LPA: variants seen among roughly 807,000 people sequenced by gnomAD.
LPA encodes the protein apolipoprotein(a).
Under a neutral mutation model 197.9 loss-of-function variants are expected in LPA, and 199 were observed. The ratio of observed to expected loss-of-function variants is 1.01; its 90% CI spans 0.90 to 1.13. The LOEUF is 1.13. Among genes scored for constraint, LPA ranks in the 50% most tolerant of loss-of-function variants. The probability of loss-of-function intolerance (pLI) is 0.00; values close to 1 mark genes in which losing one functional copy is unlikely to be tolerated. For missense variants in LPA, 1,853 were observed against 1,785.8 expected (o/e 1.04, Z -0.68); for synonymous variants, 715 against 639.5 (o/e 1.12, Z -1.78).
chr6:160,647,566 T>C (rs1413479501), intron 2 of LPA, among the ~76,000 whole-genome samples: 1 of 152,192 alleles, frequency 6.6e-6, no homozygotes, highest in African/African-American at 2.4e-5. Context: ...TTTTCTTCCT[T>C]GGCTTCCCTC....
chr6:160,585,265 A>C, intron 25 of LPA, 60 bp from the exon 26 acceptor site: 1 of 1,522,804 alleles, frequency 6.6e-7, no homozygotes, highest in African/African-American at 1.4e-5. Context: ...TGTGAAAAAA[A>C]TTATGACACA....
At chr6:160,590,032 A>G (rs771911021) in intron 23 of LPA, among the ~76,000 whole-genome samples, 11 of 152,176 alleles carry the variant, frequency 7.2e-5, no homozygotes, top group Non-Finnish European at 1.3e-4. Context: ...AAGGCAGGAG[A>G]CCAGAGTGCC....
intron 28 of LPA, among the ~76,000 whole-genome samples, chr6:160,558,140 C>CA (rs1379130843): frequency 6.6e-6 from 1 of 152,050 alleles, no homozygotes; most frequent in Non-Finnish European, 1.5e-5. Flanking sequence ...AGGATGGTCT[C>CA]AATCTCCTGA....
chr6:160,580,219 G>T (rs1001904015), intron 26 of LPA, among the ~76,000 whole-genome samples: 15 of 152,090 alleles, frequency 9.9e-5, no homozygotes, highest in Non-Finnish European at 1.5e-5. Flanking sequence ...CTTGTTCCTT[G>T]TTGATGAATA....
Position 160,594,073 on chromosome 6 carries a change from CA to C in LPA, c.3513del (p.Asp1172MetfsTer24). On this transcript the variant is annotated frameshift_variant, in exon 22 of 39. Coordinates refer to ENST00000316300, the MANE Select transcript of LPA (RefSeq NM_005577.4). LOFTEE classifies it high-confidence loss of function. ...AATGAGCCTCGATAACTCTGTCCAT[CA>C]CCATGGTAGCAATCCTGGACCCCGG... ...QSPGVQDCYH[G>X]DGQSYRGSFS... is the part of the protein sequence containing the mutation. 2 of 1,613,962 alleles carry C rather than the reference CA, an allele frequency of 1.2e-6. No individual in the cohort carries two copies. Among genetic ancestry groups the C allele is most frequent in the Non-Finnish European group, 1.7e-6 (2 of 1,179,866 alleles).
At chr6:160,569,102 T>G (rs1036183609) in intron 28 of LPA, among the ~76,000 whole-genome samples, 4 of 152,166 alleles carry the variant, frequency 2.6e-5, no homozygotes, top group Admixed American at 2.6e-4. Context: ...AAGCTACCAA[T>G]GACTTTCTTC....
intron 23 of LPA, 24 bp from the exon 24 acceptor site, chr6:160,589,736 A>C (rs1404483762): frequency 1.2e-6 from 2 of 1,613,406 alleles, no homozygotes; most frequent in Non-Finnish European, 1.7e-6. Flanking sequence ...AGGAGAAAAC[A>C]AACTGAGTAA....
At chr6:160,661,852 A>C (rs1439399004) in intron 1 of LPA, among the ~76,000 whole-genome samples, 1 of 152,256 alleles carries the variant, frequency 6.6e-6, no homozygotes, top group African/African-American at 2.4e-5. Context: ...TTCAAAACAC[A>C]CAATAAATTA....
intron 37 of LPA, among the ~76,000 whole-genome samples, chr6:160,533,394 G>A (rs1457345104): frequency 6.6e-6 from 1 of 152,168 alleles, no homozygotes; most frequent in East Asian, 1.9e-4. Context: ...ACAGGCACTT[G>A]TCATTCCTGT....
chr6:160,662,394 A>G (rs1396314243), intron 1 of LPA, among the ~76,000 whole-genome samples: 1 of 152,186 alleles, frequency 6.6e-6, no homozygotes, highest in East Asian at 1.9e-4. Flanking sequence ...TCCGCTTCTC[A>G]CTGAGCATGG....
chr6:160,592,043 CTA>C (rs766070544), intron 22 of LPA, among the ~76,000 whole-genome samples: 3 of 152,282 alleles, frequency 2.0e-5, no homozygotes, highest in Non-Finnish European at 2.9e-5. Context: ...AGCTTCATGA[CTA>C]TGAATTTCTC....
chr6:160,598,146 T>A (rs1303053810), intron 20 of LPA, among the ~76,000 whole-genome samples: 6 of 152,230 alleles, frequency 3.9e-5, no homozygotes. Flanking sequence ...GAGCACTATG[T>A]GAGCTCTGTC....
rs1272258306 is a variant in LPA, at chr6:160,537,958, A to G, written c.5739T>C (p.Pro1913=). The part of the protein sequence containing the change: ...ADIALLKLSR[P]AVITDKVMPA... The stretch of plus-strand genomic sequence containing the variant: ...GCATTACTTTGTCAGTGATGACGGC[A>G]GGCCTGTAAGGAAAGTATTAGCAGT... The change falls in exon 37 of 39, where the codon CCT becomes CCC. Residue 1913 remains proline, a synonymous_variant. Coordinates refer to ENST00000316300, the MANE Select transcript of LPA (RefSeq NM_005577.4). 38 of 1,614,062 alleles carry G rather than the reference A, an allele frequency of 2.4e-5. No individual in the cohort carries two copies. Among genetic ancestry groups the G allele is most frequent in the Non-Finnish European group, 3.1e-5 (37 of 1,179,880 alleles).
At chr6:160,604,877 T>C (rs184485582) in intron 18 of LPA, among the ~76,000 whole-genome samples, 169 bp downstream of exon 18, 3 of 152,332 alleles carry the variant, frequency 2.0e-5, no homozygotes, top group African/African-American at 7.2e-5. Flanking sequence ...CAGATTAACA[T>C]TTGTCTTCTC....
intron 1 of LPA, among the ~76,000 whole-genome samples, chr6:160,651,605 A>T (rs1562353346): frequency 6.6e-6 from 1 of 152,216 alleles, no homozygotes. Flanking sequence ...CTGTTCCTCC[A>T]TTTATGATAC....
Position 160,531,516 on chromosome 6 carries a change from C to A in LPA, c.*213G>T, listed in dbSNP as rs1777805765. On this transcript the variant is annotated 3_prime_UTR_variant, in exon 39 of 39. Coordinates refer to ENST00000316300, the MANE Select transcript of LPA (RefSeq NM_005577.4). The stretch of plus-strand genomic sequence containing the variant: ...AAATAAGTGCAGAGTTTATTTTTAA[C>A]AAATGTCATAGCTATGACACCTTAA... 1 of 608,190 alleles carries A rather than the reference C, an allele frequency of 1.6e-6. No homozygotes were observed. The highest frequency in any genetic ancestry group is 3.0e-5 in the Admixed American group (1 of 33,022). The allele number at this position is 608,190 out of a possible 1,614,324, so 37.7% of individuals were successfully genotyped here.
intron 17 of LPA, among the ~76,000 whole-genome samples, chr6:160,605,967 C>T (rs754512909): frequency 1.9e-4 from 29 of 152,152 alleles, no homozygotes; most frequent in Admixed American, 3.9e-4. Context: ...AGTCCTGAAA[C>T]ATAGATCATT....
intron 34 of LPA, among the ~76,000 whole-genome samples, chr6:160,541,978 AGAG>A (rs141273416): frequency 0.11 from 16,673 of 152,234 alleles, 1,286 homozygotes; most frequent in Non-Finnish European, 0.17. Flanking sequence ...AAGTCTCTTT[AGAG>A]GAGAACAGCA....
chr6:160,590,912 A>G (rs1562334612), intron 23 of LPA, 32 bp downstream of exon 23: 3 of 1,613,708 alleles, frequency 1.9e-6, no homozygotes, highest in East Asian at 2.2e-5. Context: ...CCAACGTCCA[A>G]GGGTGTGGTT....
Sources: allele counts gnomAD v4.1 joint callset (sites outside exome capture counted in the v4.1 genomes callset), GRCh38; gene constraint gnomAD v4.1.1; transcripts MANE v1.5; gene names NCBI Gene and HGNC (gene_info 2026-07-23, HGNC 2026-07-21).